Variants in OPHN1 observed in about 807,000 individuals in gnomAD.
OPHN1 encodes the protein oligophrenin-1.
A neutral mutation model predicts 60.7 loss-of-function variants in OPHN1; 11 were observed. That is an observed-to-expected ratio of 0.18 (90% CI 0.11 to 0.30). The LOEUF is 0.30. OPHN1 is among the 10% of genes least tolerant of loss of function. OPHN1 has a pLI of 1.00. For synonymous variants in OPHN1, 226 were observed against 222.6 expected (o/e 1.02, Z -0.14); for missense variants, 449 against 611.0 (o/e 0.73, Z 2.80).
chrX:68,384,864 T>C (rs770803684), intron 2 of OPHN1, among the ~76,000 whole-genome samples: 34 of 111,363 alleles, frequency 3.1e-4, no homozygotes, highest in African/African-American at 1.1e-3. Context: ...GCTACGAGGA[T>C]GCAAAGGCAT....
In OPHN1 at chrX:68,371,174, A is replaced by G. The variant is rs975644132; in HGVS notation, c.154+61693T>C. On this transcript the variant is annotated intron_variant, in intron 2 of 24. Coordinates refer to ENST00000355520, the MANE Select transcript of OPHN1 (RefSeq NM_002547.3). ...TGCAACAGTGGTTCCATAACATTATATAACCATATTTTTCCTATACCTTTC... is the reference window on the plus strand; with the variant it reads ...TGCAACAGTGGTTCCATAACATTATGTAACCATATTTTTCCTATACCTTTC... 1.0e-4 allele frequency among the ~76,000 whole-genome samples: 11 copies of G among 110,256 alleles called. No homozygotes were observed. In the East Asian group the frequency reaches 2.3e-3, roughly 23 times the overall value.
At chrX:68,425,188 G>T (rs1439311438) in intron 2 of OPHN1, among the ~76,000 whole-genome samples, 2 of 111,614 alleles carry the variant, frequency 1.8e-5, no homozygotes, top group African/African-American at 6.5e-5. Flanking sequence ...GAACTGAAGG[G>T]AATCAGGTGG....
At chrX:68,152,723 G>A (rs1304406892) in intron 15 of OPHN1, among the ~76,000 whole-genome samples, 2 of 110,107 alleles carry the variant, frequency 1.8e-5, no homozygotes, top group Non-Finnish European at 3.8e-5. Flanking sequence ...GATTACAGGT[G>A]TTAGCCACCC....
intron 2 of OPHN1, among the ~76,000 whole-genome samples, chrX:68,317,571 GAA>G (rs1271318391): frequency 1.3e-5 from 1 of 79,788 alleles, no homozygotes; most frequent in Non-Finnish European, 2.2e-5. Flanking sequence ...AAGAAAGAAA[GAA>G]AGAGAAAGAA....
chrX:68,298,441 A>G (rs1602306648), intron 3 of OPHN1, among the ~76,000 whole-genome samples: 1 of 112,025 alleles, frequency 8.9e-6, no homozygotes. Context: ...TCTACTATTC[A>G]ACCTCCTCTT....
At position 68,206,600 on chromosome X, in the gene OPHN1, A is replaced by G. The variant is rs778528264; in HGVS notation, c.906T>C (p.Pro302=). The G allele has an allele frequency of 8.3e-7, 1 of 1,210,769 alleles. No individual in the cohort carries two copies. Reference sequence around the variant, plus strand: ...GCTTAGCACCTGGCTTCTGCTCCATAGGCGTCATGGTCAGTGTTTTGGTCT... The same window carrying G: ...GCTTAGCACCTGGCTTCTGCTCCATGGGCGTCATGGTCAGTGTTTTGGTCT... The part of the protein sequence containing the change: ...EKETKTLTMT[P]MEQKPGAKQG... The change falls in exon 10 of 25, where the codon CCT becomes CCC. Residue 302 remains proline (P), a synonymous_variant. Transcript: ENST00000355520.
intron 5 of OPHN1, among the ~76,000 whole-genome samples, chrX:68,271,533 C>T (rs1480157826): frequency 9.1e-6 from 1 of 110,205 alleles, no homozygotes; most frequent in Non-Finnish European, 1.9e-5. Context: ...GTGAGACCCA[C>T]CCTGTCTCAC....
chrX:68,291,838 T>C (rs2078072204), intron 3 of OPHN1, among the ~76,000 whole-genome samples: 1 of 111,291 alleles, frequency 9.0e-6, no homozygotes, highest in Non-Finnish European at 1.9e-5. Flanking sequence ...TTCTTTGAGA[T>C]GTTCCTCATT....
chrX:68,158,173 G>A (rs901023892), intron 15 of OPHN1, among the ~76,000 whole-genome samples: 1 of 112,342 alleles, frequency 8.9e-6, no homozygotes. Context: ...TTTATGTTGA[G>A]ATCTGAAGAA....
At chrX:68,361,356 T>C (rs1457745383) in intron 2 of OPHN1, among the ~76,000 whole-genome samples, 1 of 108,406 alleles carries the variant, frequency 9.2e-6, no homozygotes, top group Non-Finnish European at 1.9e-5. Flanking sequence ...GGTGGGCGCC[T>C]GTAGTCCCAG....
At chrX:68,372,982 G>C (rs1163885039) in intron 2 of OPHN1, among the ~76,000 whole-genome samples, 1 of 112,010 alleles carries the variant, frequency 8.9e-6, no homozygotes, top group Non-Finnish European at 1.9e-5. Context: ...TTGCTGGGGA[G>C]CCTACATGGC....
intron 15 of OPHN1, among the ~76,000 whole-genome samples, chrX:68,132,554 T>G (rs1602179095): frequency 5.0e-5 from 2 of 39,908 alleles, no homozygotes; most frequent in African/African-American, 1.1e-4. Flanking sequence ...TGTGGTGGGG[T>G]CGGGGGAGGG....
intron 15 of OPHN1, among the ~76,000 whole-genome samples, chrX:68,142,144 G>A: frequency 8.9e-6 from 1 of 111,793 alleles, no homozygotes. Flanking sequence ...CATCTACTCA[G>A]ATGACTGAAA....
intron 15 of OPHN1, among the ~76,000 whole-genome samples, chrX:68,123,725 A>T (rs1311723274): frequency 1.8e-5 from 2 of 111,439 alleles, no homozygotes; most frequent in Non-Finnish European, 3.8e-5. Context: ...CTCAAATCAA[A>T]AAAGATACAA....
In OPHN1 at chrX:68,096,949, T is replaced by C; in HGVS notation, c.1607A>G (p.Gln536Arg). The stretch of plus-strand genomic sequence containing the variant: ...CATCATGGCGGCCACAGTGTCCTCC[T>C]GAGCTCTCATCAGGGTGGGCCCAAA... ...VIFGPTLMRAQEDTVAAMMNI... is the reference protein window; with the variant it reads ...VIFGPTLMRAREDTVAAMMNI... Residue 536 changes from glutamine to arginine, a missense_variant, in exon 19 of 25, where the codon CAG becomes CGG. Physicochemically the swap from Gln to Arg is conservative, Grantham distance 43. Around this residue, in one of 4 missense-constraint regions of OPHN1, gnomAD observed 166 missense variants for 278.4 expected, o/e 0.60. Transcript: ENST00000355520. The C allele has an allele frequency of 8.3e-7, 1 of 1,210,659 alleles. No individual in the cohort carries two copies. The highest frequency in any genetic ancestry group is 1.1e-6 in the Non-Finnish European group (1 of 894,750).
At chrX:68,198,284 T>C (rs1258389176) in intron 11 of OPHN1, among the ~76,000 whole-genome samples, 3 of 111,289 alleles carry the variant, frequency 2.7e-5, no homozygotes, top group Admixed American at 1.9e-4. Flanking sequence ...CCATCTCTTC[T>C]GACATATGAG....
At chrX:68,169,531 T>C (rs1020939161) in intron 15 of OPHN1, among the ~76,000 whole-genome samples, 4 of 108,441 alleles carry the variant, frequency 3.7e-5, no homozygotes, top group Non-Finnish European at 7.6e-5. Flanking sequence ...CTTCAAACTA[T>C]ACTACAAGGC....
intron 2 of OPHN1, among the ~76,000 whole-genome samples, chrX:68,310,557 AT>A (rs1376391874): frequency 1.8e-5 from 2 of 110,959 alleles, no homozygotes; most frequent in South Asian, 7.8e-4. Context: ...GGAAACCAAT[AT>A]GAGAGCCAGG....
intron 2 of OPHN1, among the ~76,000 whole-genome samples, chrX:68,412,638 T>C (rs2078774719): frequency 8.9e-6 from 1 of 112,090 alleles, no homozygotes; most frequent in African/African-American, 3.2e-5. Flanking sequence ...AGATGGTACC[T>C]TTATGTTATG....
Sources: gnomAD v4.1 joint callset for allele counts (sites outside exome capture counted in the v4.1 genomes callset) on GRCh38, gnomAD v4.1.1 for gene constraint, gnomAD v4.1.1 regional missense constraint, MANE v1.5 for transcripts, NCBI Gene and HGNC (gene_info 2026-07-23, HGNC 2026-07-21) for gene names.